Variants in HSD17B7 observed in about 807,000 individuals in gnomAD.
HSD17B7 encodes hydroxysteroid 17-beta dehydrogenase 7, also known as 3-keto-steroid reductase/17-beta-hydroxysteroid dehydrogenase 7.
HSD17B7 carries 17 observed loss-of-function variants against 34.1 expected under a neutral mutation model. The observed-to-expected ratio is 0.50, with a 90% CI of 0.34 to 0.75. The LOEUF is 0.75. HSD17B7 is among the 30% of genes least tolerant of loss of function. The probability of loss-of-function intolerance (pLI) is 0.01; values close to 1 mark genes in which losing one functional copy is unlikely to be tolerated. For synonymous variants in HSD17B7, 122 were observed against 154.6 expected (o/e 0.79, Z 1.56); for missense variants, 296 against 406.6 (o/e 0.73, Z 2.34).
chr1:162,804,467 C>T (rs570637298), intron 7 of HSD17B7, 144 bp downstream of exon 7: 208 of 605,120 alleles, frequency 3.4e-4, no homozygotes, highest in African/African-American at 3.3e-3. Flanking sequence ...GGAACTAAAG[C>T]GGACTATAAG....
rs141226445 is a variant in HSD17B7 at position 162,807,179 on chromosome 1, T to A, written c.903+1687T>A. Among the ~76,000 whole-genome samples, 1,307 of 152,158 alleles carry A rather than the reference T, an allele frequency of 8.6e-3. 13 individuals are homozygous for A. The highest frequency in any genetic ancestry group is 0.033 in the East Asian group (173 of 5,172). Reference sequence around the variant, plus strand: ...TGAGGTTCCCCTTCCTGTGTCCAAGTGTTATCATTGTTCAGTTCCCACCTA... The same window carrying A: ...TGAGGTTCCCCTTCCTGTGTCCAAGAGTTATCATTGTTCAGTTCCCACCTA... On this transcript the variant is annotated intron_variant, in intron 8 of 8. Transcript: ENST00000254521.
At chr1:162,805,532 G>C (rs747947115) in intron 8 of HSD17B7, 40 bp downstream of exon 8, 1 of 1,602,908 alleles carries the variant, frequency 6.2e-7, no homozygotes, top group Non-Finnish European at 8.5e-7. Context: ...TTTGCTGTTG[G>C]GTTGATGAAT....
At chr1:162,792,450 A>T (rs535334189) in intron 1 of HSD17B7, 1 of 673,182 alleles carries the variant, frequency 1.5e-6, no homozygotes, top group Non-Finnish European at 2.4e-6. Flanking sequence ...GTTTTTCAAA[A>T]TGAGAAAAAC....
intron 8 of HSD17B7, among the ~76,000 whole-genome samples, chr1:162,809,829 T>C (rs1224701353): frequency 6.6e-6 from 1 of 152,128 alleles, no homozygotes; most frequent in Non-Finnish European, 1.5e-5. Context: ...TCTATTTGAT[T>C]CTTCTCTCTC....
At chr1:162,806,866 T>C (rs547359619) in intron 8 of HSD17B7, among the ~76,000 whole-genome samples, 1 of 152,354 alleles carries the variant, frequency 6.6e-6, no homozygotes, top group Admixed American at 6.5e-5. Flanking sequence ...CAGCTTTCTC[T>C]TCTGTTAAAA....
intron 8 of HSD17B7, among the ~76,000 whole-genome samples, chr1:162,807,873 C>G (rs1205795383): frequency 1.3e-5 from 2 of 152,078 alleles, no homozygotes; most frequent in Non-Finnish European, 2.9e-5. Flanking sequence ...GATATTAGCC[C>G]TTTGTCAGAT....
rs1220784253 is a variant in HSD17B7, at chr1:162,803,423, G to C, written c.643-8G>C. The C allele has an allele frequency of 8.1e-6, 13 of 1,611,462 alleles. No homozygotes were observed. The highest frequency in any genetic ancestry group is 5.0e-5 in the Admixed American group (3 of 59,890). On this transcript the variant is annotated splice_region_variant and splice_polypyrimidine_tract_variant and intron_variant, in intron 5 of 8. Transcript: ENST00000254521. ...TAAAGTCTCATTGCTACACCTCTCTGTTCCTAGGGTCTCTATTCCAATGTG... is the reference window on the plus strand; with the variant it reads ...TAAAGTCTCATTGCTACACCTCTCTCTTCCTAGGGTCTCTATTCCAATGTG...
chr1:162,808,448 C>T (rs1285078948), intron 8 of HSD17B7, among the ~76,000 whole-genome samples: 4 of 152,226 alleles, frequency 2.6e-5, no homozygotes, highest in Admixed American at 6.5e-5. Context: ...CTTGGCAATG[C>T]GGGCCCTTTT....
chr1:162,793,236 T>C (rs1648480251), intron 2 of HSD17B7, among the ~76,000 whole-genome samples: 1 of 152,176 alleles, frequency 6.6e-6, no homozygotes, highest in South Asian at 2.1e-4. Flanking sequence ...GGTTTTACCA[T>C]GTTGGTCAGG....
At chr1:162,809,095 G>A (rs2102237784) in intron 8 of HSD17B7, among the ~76,000 whole-genome samples, 1 of 152,266 alleles carries the variant, frequency 6.6e-6, no homozygotes, top group South Asian at 2.1e-4. Context: ...GTATGATATT[G>A]GCTGTGAGTT....
intron 1 of HSD17B7, among the ~76,000 whole-genome samples, chr1:162,791,243 A>G (rs1188954144): frequency 3.9e-5 from 6 of 151,936 alleles, no homozygotes; most frequent in Non-Finnish European, 8.8e-5. Flanking sequence ...TTTGCCTACA[A>G]ATTTGAACAC....
intron 8 of HSD17B7, 99 bp from the exon 9 acceptor site, chr1:162,812,199 C>T: frequency 1.4e-6 from 2 of 1,430,146 alleles, no homozygotes; most frequent in Non-Finnish European, 1.9e-6. Context: ...CTGCTGCCTC[C>T]TTTCTTTTTA....
rs2257864 is a variant in HSD17B7 at position 162,797,893 on chromosome 1, A to G, written c.424A>G (p.Asn142Asp). The G allele has an allele frequency of 6.2e-7, 1 of 1,613,830 alleles. No individual in the cohort carries two copies. Among genetic ancestry groups the G allele is most frequent in the African/African-American group, 1.3e-5 (1 of 74,926 alleles). Reference protein sequence around the residue: ...ADGLQEVFETNVFGHFILIRE... With the variant: ...ADGLQEVFETDVFGHFILIRE... ...TGGACTTCAGGAGGTGTTTGAGACC[A>G]ATGTCTTTGGCCATTTTATCCTGGT... Residue 142 changes from asparagine to aspartate, a missense_variant, in exon 4 of 9, where the codon AAT becomes GAT. Coordinates refer to ENST00000254521, the MANE Select transcript of HSD17B7 (RefSeq NM_016371.4).
intron 8 of HSD17B7, among the ~76,000 whole-genome samples, chr1:162,809,329 A>T (rs891570050): frequency 6.6e-6 from 1 of 152,184 alleles, no homozygotes; most frequent in Non-Finnish European, 1.5e-5. Flanking sequence ...TCACTTGATC[A>T]TGGTGGATAA....
In HSD17B7 at chr1:162,790,830, T is replaced by A. The variant is rs747804463; in HGVS notation, c.30T>A (p.Ala10=). ...GAAAGGTGGTTTTGATCACCGGGGC[T>A]AGCAGGTGAGGCCTCCTTTGGGTTG... The part of the protein sequence containing the change: MRKVVLITG[A]SSGIGLALCK... Residue 10 remains alanine, a synonymous_variant, in exon 1 of 9, where the codon GCT becomes GCA. Coordinates refer to ENST00000254521, the MANE Select transcript of HSD17B7 (RefSeq NM_016371.4). The A allele has an allele frequency of 1.2e-6, 2 of 1,613,916 alleles. No individual in the cohort carries two copies. The highest frequency in any genetic ancestry group is 3.3e-5 in the Admixed American group (2 of 59,992).
chr1:162,794,468 G>T (rs1648531504), intron 2 of HSD17B7, among the ~76,000 whole-genome samples: 1 of 148,930 alleles, frequency 6.7e-6, no homozygotes, highest in African/African-American at 2.5e-5. Flanking sequence ...GCATCTTAAA[G>T]AAAAAAAAAC....
intron 6 of HSD17B7, 63 bp downstream of exon 6, chr1:162,803,598 AT>A (rs1418535887): frequency 6.4e-7 from 1 of 1,561,072 alleles, no homozygotes; most frequent in African/African-American, 1.4e-5. Context: ...CCTAGAAGAT[AT>A]GTTTAAGGGT....
At chr1:162,799,722 T>C (rs188548479) in intron 4 of HSD17B7, 21 bp from the exon 5 acceptor site, 18,025 of 1,587,440 alleles carry the variant, frequency 0.011, 92 homozygotes, top group Non-Finnish European at 0.014. Flanking sequence ...TTTTAATACT[T>C]TTTTTTTTTC....
intron 8 of HSD17B7, among the ~76,000 whole-genome samples, chr1:162,809,117 GCT>G (rs1169874152): frequency 6.6e-6 from 1 of 152,082 alleles, no homozygotes; most frequent in Non-Finnish European, 1.5e-5. Flanking sequence ...GTCATAAATA[GCT>G]CTTATTATTT....
Sources: allele counts gnomAD v4.1 joint callset (sites outside exome capture counted in the v4.1 genomes callset), GRCh38; gene constraint gnomAD v4.1.1; transcripts MANE v1.5; gene names NCBI Gene and HGNC (gene_info 2026-07-23, HGNC 2026-07-21).